The following NBN variants were observed in gnomAD, a reference collection of about 807,000 sequenced individuals.
The protein encoded by NBN is Nijmegen breakage syndrome 1 (nibrin).
NBN carries 88 observed loss-of-function variants against 90.8 expected under a neutral mutation model. That is an observed-to-expected ratio of 0.97 (90% CI 0.82 to 1.16). The LOEUF (loss-of-function observed/expected upper bound fraction) is 1.16, where lower values mean the gene tolerates loss of function less well. Ranked by LOEUF, NBN falls within the 50% of genes most tolerant of loss-of-function variation. NBN has a pLI of 0.00. For synonymous variants in NBN, 328 were observed against 295.1 expected, an observed-to-expected ratio of 1.11 and a Z score of -1.14; for missense variants, 894 against 869.6, an observed-to-expected ratio of 1.03 and a Z score of -0.35.
intron 4 of NBN, among the ~76,000 whole-genome samples, chr8:89,980,073 T>C (rs555709968): frequency 6.6e-6 from 1 of 152,324 alleles, no homozygotes; most frequent in African/African-American, 2.4e-5. Flanking sequence ...GCTGAATTTA[T>C]AAAATCAATT....
intron 9 of NBN, among the ~76,000 whole-genome samples, chr8:89,958,091 A>C (rs1456256962): frequency 6.6e-6 from 1 of 152,184 alleles, no homozygotes; most frequent in Non-Finnish European, 1.5e-5. Context: ...GATCCCTCAC[A>C]TGCACAGCTC....
chr8:89,944,204 T>A (rs1343365115), intron 13 of NBN, among the ~76,000 whole-genome samples: 1 of 152,076 alleles, frequency 6.6e-6, no homozygotes, highest in Non-Finnish European at 1.5e-5. Context: ...CAAAACTTCT[T>A]CTCTAAGCAA....
chr8:89,980,955 A>G (rs1394330307), intron 3 of NBN, 62 bp from the exon 4 acceptor site: 1 of 1,459,946 alleles, frequency 6.8e-7, no homozygotes, highest in Admixed American at 1.7e-5. Context: ...GGCAATTTTT[A>G]GTACTTTAAA....
At position 89,935,600 on chromosome 8, in the gene NBN, A is replaced by G. The variant is rs762740478; in HGVS notation, c.2247T>C (p.Tyr749=). 5.0e-6 allele frequency: 8 copies of G among 1,608,994 alleles called. No homozygotes were observed. The highest frequency in any genetic ancestry group is 4.5e-5 in the East Asian group (2 of 44,664). The change falls in exon 16 of 16, where the codon TAT becomes TAC. Residue 749 remains tyrosine (Y), a synonymous_variant. Transcript: ENST00000265433. ...LADDLFRYNP[Y]LKRRR is the part of the protein sequence containing the mutation. ...TCCTCAGTTATCTTCTCCTTTTTAA[A>G]TAAGGATTGTATCTGCAAAGAAAGA...
At chr8:89,980,347 T>A (rs540483036) in intron 4 of NBN, among the ~76,000 whole-genome samples, 21 of 152,064 alleles carry the variant, frequency 1.4e-4, no homozygotes, top group African/African-American at 4.1e-4. Flanking sequence ...ACCTGGAGAT[T>A]GGAGAAAGAC....
Position 89,945,740 on chromosome 8 carries a change from A to T in NBN, c.2070+400T>A, listed in dbSNP as rs184188022. 1.0e-3 allele frequency among the ~76,000 whole-genome samples: 152 copies of T among 152,298 alleles called. 2 individuals are homozygous for T. Among genetic ancestry groups the T allele is most frequent in the Admixed American group, 3.3e-3 (51 of 15,302 alleles). On this transcript the variant is annotated intron_variant, in intron 13 of 15. Coordinates refer to ENST00000265433, the MANE Select transcript of NBN (RefSeq NM_002485.5). ...TATTGTGTTTTATATGTAAATATAGACTATAGTTTGAATTACTGAATATGC... is the reference window on the plus strand; with the variant it reads ...TATTGTGTTTTATATGTAAATATAGTCTATAGTTTGAATTACTGAATATGC...
Position 89,955,540 on chromosome 8 carries a change from C to A in NBN, c.1140G>T (p.Arg380Ser). The A allele has an allele frequency of 6.2e-7, 1 of 1,613,064 alleles. No individual in the cohort carries two copies. ...EQADTWDLSERPKEIKVSKME... is the reference protein window; with the variant it reads ...EQADTWDLSESPKEIKVSKME... ...TTTTGGAGACTTTGATTTCTTTTGGCCTTTCACTCAAATCCCTGTAGAAAA... is the reference window on the plus strand; with the variant it reads ...TTTTGGAGACTTTGATTTCTTTTGGACTTTCACTCAAATCCCTGTAGAAAA... Residue 380 changes from arginine to serine, a missense_variant, in exon 10 of 16, where the codon AGG becomes AGT. Coordinates refer to ENST00000265433, the MANE Select transcript of NBN (RefSeq NM_002485.5).
chr8:89,946,086 ATC>A, intron 13 of NBN, 52 bp downstream of exon 13: 1 of 1,304,832 alleles, frequency 7.7e-7, no homozygotes, highest in Non-Finnish European at 1.1e-6. Context: ...CATCACTGGT[ATC>A]TCTAAAAACA....
At chr8:89,960,135 A>G (rs1810924189) in intron 8 of NBN, among the ~76,000 whole-genome samples, 1 of 152,234 alleles carries the variant, frequency 6.6e-6, no homozygotes, top group African/African-American at 2.4e-5. Flanking sequence ...TTTACTAAAC[A>G]CCTAAGCTAA....
In NBN at chr8:89,968,328, G is replaced by A. The variant is rs578002599; in HGVS notation, c.896+2036C>T. Among the ~76,000 whole-genome samples the A allele has an allele frequency of 3.9e-5, 6 of 152,172 alleles. No homozygotes were observed. The East Asian group carries it at 1.2e-3, about 29-fold the overall frequency. On this transcript the variant is annotated intron_variant, in intron 7 of 15. Coordinates refer to ENST00000265433, the MANE Select transcript of NBN (RefSeq NM_002485.5). ...GTCACCTCATGATCAAGGCACCAGG[G>A]TCTGAGCTACCTGGTACTCCAGCTA...
At chr8:89,974,769 G>A (rs1040002500) in intron 5 of NBN, among the ~76,000 whole-genome samples, 7 of 152,140 alleles carry the variant, frequency 4.6e-5, no homozygotes, top group Admixed American at 2.6e-4. Flanking sequence ...TTCATCCCTC[G>A]AGGTTTCTCA....
chr8:89,955,697 C>T, intron 9 of NBN, 142 bp from the exon 10 acceptor site: 1 of 1,008,548 alleles, frequency 9.9e-7, no homozygotes, highest in Non-Finnish European at 1.4e-6. Flanking sequence ...TATATTTTAC[C>T]ATCCCAAGAA....
chr8:89,973,048 A>G (rs1007431817), intron 5 of NBN, among the ~76,000 whole-genome samples: 2 of 152,356 alleles, frequency 1.3e-5, no homozygotes, highest in East Asian at 3.9e-4. Flanking sequence ...ACATATGTGT[A>G]TGGTAGCCTG....
chr8:89,965,304 C>T (rs2129793598), intron 7 of NBN, among the ~76,000 whole-genome samples: 1 of 152,118 alleles, frequency 6.6e-6, no homozygotes, highest in East Asian at 1.9e-4. Context: ...AATCATTTTG[C>T]CAAATTTACA....
intron 5 of NBN, among the ~76,000 whole-genome samples, chr8:89,976,645 A>G (rs1811772423): frequency 6.6e-6 from 1 of 152,102 alleles, no homozygotes; most frequent in Non-Finnish European, 1.5e-5. Flanking sequence ...CACCCTCCTC[A>G]GTGTCTGTGG....
rs560117625 is a variant in NBN, at chr8:89,984,049, G to T, written c.37+476C>A. Among the ~76,000 whole-genome samples the T allele has an allele frequency of 5.4e-4, 82 of 152,322 alleles. 2 individuals carry two copies. In the South Asian group the frequency reaches 0.012, roughly 22 times the overall value. On this transcript the variant is annotated intron_variant, in intron 1 of 15. Coordinates refer to ENST00000265433, the MANE Select transcript of NBN (RefSeq NM_002485.5). The stretch of plus-strand genomic sequence containing the variant: ...TTTCCCATTGTTCTGATGACATTGT[G>T]GAAAAGGAGTCTGAAACAAAACTGA...
chr8:89,984,357 T>G, intron 1 of NBN, 168 bp downstream of exon 1: 1 of 694,212 alleles, frequency 1.4e-6, no homozygotes, highest in Non-Finnish European at 2.5e-6. Context: ...GCCGCCGTGC[T>G]GCCCGGGAAG....
At chr8:89,984,082 C>A in intron 1 of NBN, 1 of 194,412 alleles carries the variant, frequency 5.1e-6, no homozygotes, top group South Asian at 9.8e-5. Context: ...TGAAAGTAAG[C>A]CTTTTCGTGG....
chr8:89,984,138 T>C, intron 1 of NBN: 1 of 358,928 alleles, frequency 2.8e-6, no homozygotes, highest in Non-Finnish European at 5.2e-6. Flanking sequence ...AAGTCATGTG[T>C]GGCCCCCGTG....
Sources: gnomAD v4.1 joint callset for allele counts (sites outside exome capture counted in the v4.1 genomes callset) on GRCh38, gnomAD v4.1.1 for gene constraint, MANE v1.5 for transcripts, NCBI Gene and HGNC (gene_info 2026-07-23, HGNC 2026-07-21) for gene names.